RELN: variants seen among roughly 807,000 people sequenced by gnomAD.
The protein encoded by RELN is reelin.
A neutral mutation model predicts 427.6 loss-of-function variants in RELN; 108 were observed. The ratio of observed to expected loss-of-function variants is 0.25; its 90% CI spans 0.22 to 0.30. The LOEUF (loss-of-function observed/expected upper bound fraction) is 0.30. RELN is among the 10% of genes least tolerant of loss of function. The pLI is 1.00. For missense variants in RELN, 3,715 were observed against 4,302.8 expected (o/e 0.86, Z 3.82); for synonymous variants, 1,524 against 1,513.4 (o/e 1.01, Z -0.16).
chr7:103,587,366 T>A (rs946378814), intron 28 of RELN, among the ~76,000 whole-genome samples: 3 of 152,118 alleles, frequency 2.0e-5, no homozygotes, highest in Admixed American at 6.6e-5. Context: ...TCTCACCATA[T>A]ACAAAAATCA....
intron 4 of RELN, among the ~76,000 whole-genome samples, chr7:103,768,859 TCTC>T (rs902075908): frequency 2.0e-5 from 3 of 152,120 alleles, no homozygotes; most frequent in Non-Finnish European, 4.4e-5. Flanking sequence ...AGGGATTTAT[TCTC>T]CTTGCCACAG....
intron 8 of RELN, among the ~76,000 whole-genome samples, chr7:103,703,348 T>C (rs146156424): frequency 1.6e-4 from 24 of 152,272 alleles, no homozygotes; most frequent in African/African-American, 5.8e-4. Context: ...GCAATCCCAC[T>C]ATCCCATAGA....
In RELN at chr7:103,604,409, T is replaced by C. The variant is rs1409640917; in HGVS notation, c.3083A>G (p.Tyr1028Cys). The change falls in exon 23 of 65, where the codon TAC (tyrosine) becomes TGC (cysteine). Residue 1028 changes from tyrosine (Y) to cysteine (C), a missense_variant. This residue lies in a region of RELN where 2,208 missense variants were observed against 2,361.7 expected (regional missense o/e 0.93). Transcript: ENST00000428762. ...AQDEWALDSI[Y>C]IGQQCPNMCS... is the part of the protein sequence containing the mutation. ...CATGTTGGGGCACTGCTGCCCAATGTAAATGCTGTCCAAAGCCCACTCGTC... is the reference window on the plus strand; with the variant it reads ...CATGTTGGGGCACTGCTGCCCAATGCAAATGCTGTCCAAAGCCCACTCGTC... 2.5e-6 allele frequency: 4 copies of C among 1,613,974 alleles called. No individual in the cohort carries two copies. The highest frequency in any genetic ancestry group is 3.4e-6 in the Non-Finnish European group (4 of 1,179,886).
intron 6 of RELN, among the ~76,000 whole-genome samples, chr7:103,730,903 T>A (rs1242573820): frequency 1.3e-5 from 2 of 152,160 alleles, no homozygotes; most frequent in African/African-American, 2.4e-5. Flanking sequence ...CATCCATCAT[T>A]TATTAATCCA....
intron 45 of RELN, among the ~76,000 whole-genome samples, chr7:103,538,074 T>C (rs2535762): frequency 0.6 from 90,581 of 152,016 alleles, 27,642 homozygotes; most frequent in Middle Eastern, 0.73. Flanking sequence ...TACTTTTCTG[T>C]CTTCTCTTTT....
intron 6 of RELN, among the ~76,000 whole-genome samples, chr7:103,741,794 A>T (rs1562984267): frequency 6.6e-6 from 1 of 152,008 alleles, no homozygotes; most frequent in African/African-American, 2.4e-5. Context: ...TGCTGCAAGA[A>T]GATATTTGAG....
At chr7:103,667,509 G>C (rs748343340) in intron 11 of RELN, among the ~76,000 whole-genome samples, 35 of 151,968 alleles carry the variant, frequency 2.3e-4, no homozygotes, top group Non-Finnish European at 4.9e-4. Flanking sequence ...TTATCCTAAG[G>C]CATGAAGATA....
intron 2 of RELN, among the ~76,000 whole-genome samples, chr7:103,842,924 C>T (rs1356901937): frequency 2.0e-5 from 3 of 152,112 alleles, no homozygotes; most frequent in Non-Finnish European, 2.9e-5. Flanking sequence ...CTACCATTTA[C>T]TGAATGCCTC....
In RELN at chr7:103,826,062, AATGGGTTCCTGATAAAAGGATGAG is replaced by A. The variant is rs542841872; in HGVS notation, c.473+7451_473+7474del. On this transcript the variant is annotated intron_variant, in intron 3 of 64. Transcript: ENST00000428762. ...GTGGGAGTAGAGTAGTTACCTCAGGAATGGGTTCCTGATAAAAGGATGAGATGGGTTCCTGATAAAAGGATGAGA... is the reference window on the plus strand; with the variant it reads ...GTGGGAGTAGAGTAGTTACCTCAGGAATGGGTTCCTGATAAAAGGATGAGA... Among the ~76,000 whole-genome samples, 857 of 152,138 alleles carry A rather than the reference AATGGGTTCCTGATAAAAGGATGAG, an allele frequency of 5.6e-3. 10 individuals carry two copies. The highest frequency in any genetic ancestry group is 0.02 in the African/African-American group (816 of 41,524).
intron 2 of RELN, among the ~76,000 whole-genome samples, chr7:103,916,751 T>C (rs181612432): frequency 4.9e-4 from 74 of 152,250 alleles, no homozygotes; most frequent in African/African-American, 1.7e-3. Context: ...TACTGAATGA[T>C]TGCGTGGACA....
chr7:103,536,800 G>A (rs1353580160), intron 45 of RELN, among the ~76,000 whole-genome samples: 1 of 152,134 alleles, frequency 6.6e-6, no homozygotes, highest in Non-Finnish European at 1.5e-5. Flanking sequence ...GTACACTCTT[G>A]ATTCAGTGAT....
chr7:103,571,430 G>A (rs1830879217), intron 31 of RELN, among the ~76,000 whole-genome samples: 1 of 152,106 alleles, frequency 6.6e-6, no homozygotes, highest in Non-Finnish European at 1.5e-5. Context: ...GCAGAAGATG[G>A]TATGAGTGCC....
intron 8 of RELN, among the ~76,000 whole-genome samples, chr7:103,713,917 A>G (rs1789869288): frequency 6.6e-6 from 1 of 152,178 alleles, no homozygotes; most frequent in East Asian, 1.9e-4. Flanking sequence ...TCTTTACCAC[A>G]TGCCAGAAAA....
intron 10 of RELN, among the ~76,000 whole-genome samples, chr7:103,694,568 G>T (rs1833937997): frequency 6.6e-6 from 1 of 151,878 alleles, no homozygotes; most frequent in Admixed American, 6.6e-5. Context: ...AACAGTAAGT[G>T]TTCAATAAAA....
intron 3 of RELN, among the ~76,000 whole-genome samples, chr7:103,797,182 C>T (rs1373159227): frequency 1.3e-5 from 2 of 151,994 alleles, no homozygotes; most frequent in Non-Finnish European, 2.9e-5. Context: ...GCCTCAGGTT[C>T]GACCTGCCTC....
chr7:103,638,833 C>T (rs776261318), intron 17 of RELN, among the ~76,000 whole-genome samples: 3 of 152,182 alleles, frequency 2.0e-5, no homozygotes, highest in Non-Finnish European at 4.4e-5. Context: ...TTGTATCCAC[C>T]ATGGGTGGCA....
intron 28 of RELN, among the ~76,000 whole-genome samples, chr7:103,585,848 G>GAT (rs1225724454): frequency 6.6e-6 from 1 of 152,134 alleles, no homozygotes; most frequent in African/African-American, 2.4e-5. Flanking sequence ...ACATCGAAAA[G>GAT]ATATACATCA....
At position 103,700,902 on chromosome 7, in the gene RELN, CA is replaced by C. The variant is rs1420103681; in HGVS notation, c.902+7del. ...GAATTTATGAAAATACTTTAAATTA[CA>C]ACAAACCTAATTTTCTCTAGCTGAA... On this transcript the variant is annotated splice_region_variant and intron_variant, in intron 9 of 64. Coordinates refer to ENST00000428762, the MANE Select transcript of RELN (RefSeq NM_005045.4). 5 of 1,541,016 alleles carry C rather than the reference CA, an allele frequency of 3.2e-6. No homozygotes were observed. Among genetic ancestry groups the C allele is most frequent in the Non-Finnish European group, 4.5e-6 (5 of 1,113,880 alleles).
chr7:103,654,286 G>T, intron 12 of RELN, 81 bp from the exon 13 acceptor site: 1 of 792,420 alleles, frequency 1.3e-6, no homozygotes, highest in South Asian at 1.4e-5. Flanking sequence ...ATTTCAGAAT[G>T]AAAAATCATT....
Sources: allele counts gnomAD v4.1 joint callset (sites outside exome capture counted in the v4.1 genomes callset), GRCh38; gene constraint gnomAD v4.1.1; regional missense constraint gnomAD v4.1.1; transcripts MANE v1.5; gene names NCBI Gene and HGNC (gene_info 2026-07-23, HGNC 2026-07-21).